The following ADGRG7 variants were observed in gnomAD, a reference collection of about 807,000 sequenced individuals.
ADGRG7 encodes the protein G-protein coupled receptor 128.
In ADGRG7, 82 loss-of-function variants were observed where a neutral mutation model predicts 88.6. The ratio of observed to expected loss-of-function variants is 0.93; its 90% CI spans 0.77 to 1.11. The LOEUF is 1.11. ADGRG7 is among the 50% of genes most tolerant of loss of function. The pLI is 0.00. For missense variants in ADGRG7, 945 were observed against 953.4 expected, an observed-to-expected ratio of 0.99 and a Z score of 0.12; for synonymous variants, 381 against 345.2, an observed-to-expected ratio of 1.10 and a Z score of -1.15.
chr3:100,649,757 ACTGT>A lies in ADGRG7; in HGVS notation c.1334_1337del (p.Ser445LeufsTer22). The stretch of plus-strand genomic sequence containing the variant: ...ACATATTATCCAACGTTGGATGTGC[ACTGT>A]CTGTTACTGGTCTGGCTCTCACAGT... On this transcript the variant is annotated frameshift_variant, in exon 11 of 16. Coordinates refer to ENST00000273352, the MANE Select transcript of ADGRG7 (RefSeq NM_032787.3). LOFTEE classifies it high-confidence loss of function. The A allele has an allele frequency of 6.2e-7, 1 of 1,611,314 alleles. No homozygotes were observed. Among genetic ancestry groups the A allele is most frequent in the Non-Finnish European group, 8.5e-7 (1 of 1,177,860 alleles).
chr3:100,613,947 A>T (rs1171505617), intron 1 of ADGRG7, among the ~76,000 whole-genome samples: 1 of 152,206 alleles, frequency 6.6e-6, no homozygotes, highest in East Asian at 1.9e-4. Flanking sequence ...CAAATTATTA[A>T]CTTTGAGCAA....
At chr3:100,629,754 C>A in intron 2 of ADGRG7, 43 bp downstream of exon 2, 1 of 1,288,062 alleles carries the variant, frequency 7.8e-7, no homozygotes, top group Non-Finnish European at 1.1e-6. Flanking sequence ...GTTTACGTCA[C>A]TCTTGTGTTA....
intron 14 of ADGRG7, among the ~76,000 whole-genome samples, chr3:100,664,753 G>A (rs1228227394): frequency 6.6e-6 from 1 of 152,152 alleles, no homozygotes; most frequent in Non-Finnish European, 1.5e-5. Flanking sequence ...AGTGGTGTCT[G>A]TAAATAGTAA....
chr3:100,681,818 G>C (rs567063540), intron 15 of ADGRG7, among the ~76,000 whole-genome samples: 11 of 152,122 alleles, frequency 7.2e-5, no homozygotes, highest in African/African-American at 2.7e-4. Context: ...TAAAGCACTC[G>C]CACCCTACCA....
At chr3:100,670,460 T>C (rs1180647680) in intron 15 of ADGRG7, among the ~76,000 whole-genome samples, 1 of 152,238 alleles carries the variant, frequency 6.6e-6, no homozygotes, top group Admixed American at 6.5e-5. Context: ...TGAATAGTGC[T>C]GTGAAAAACA....
At chr3:100,666,901 G>A (rs183099820) in intron 14 of ADGRG7, among the ~76,000 whole-genome samples, 24 of 152,120 alleles carry the variant, frequency 1.6e-4, no homozygotes, top group African/African-American at 4.3e-4. Context: ...CACATCTTGC[G>A]CAACCCTTAA....
At chr3:100,644,251 C>A (rs1707700467) in intron 8 of ADGRG7, among the ~76,000 whole-genome samples, 2 of 151,476 alleles carry the variant, frequency 1.3e-5, no homozygotes, top group South Asian at 4.2e-4. Flanking sequence ...GCAAAAAAAC[C>A]CGATGTCAGA....
intron 14 of ADGRG7, among the ~76,000 whole-genome samples, chr3:100,661,874 G>A (rs1341402995): frequency 1.3e-5 from 2 of 152,144 alleles, no homozygotes; most frequent in African/African-American, 4.8e-5. Flanking sequence ...TACAAAATAA[G>A]ATTTGTCCAG....
intron 4 of ADGRG7, chr3:100,635,472 C>A: frequency 3.4e-6 from 4 of 1,175,436 alleles, no homozygotes; most frequent in Non-Finnish European, 3.4e-6. Context: ...TCAATCCTGT[C>A]AAACAGGAAA....
At chr3:100,616,968 G>C (rs1707234892) in intron 1 of ADGRG7, among the ~76,000 whole-genome samples, 2 of 152,096 alleles carry the variant, frequency 1.3e-5, no homozygotes, top group African/African-American at 4.8e-5. Flanking sequence ...TTGATGTATA[G>C]AAGGCTAAAG....
chr3:100,665,416 A>C, intron 14 of ADGRG7: 1 of 539,754 alleles, frequency 1.9e-6, no homozygotes, highest in Non-Finnish European at 3.8e-6. Context: ...GTGAAAACGA[A>C]ACTTTCTCAG....
intron 1 of ADGRG7, among the ~76,000 whole-genome samples, chr3:100,614,089 T>C (rs892525643): frequency 1.3e-5 from 2 of 152,230 alleles, no homozygotes; most frequent in Non-Finnish European, 2.9e-5. Context: ...TTAATAATTG[T>C]TGGCTGCTAT....
chr3:100,675,521 T>C (rs930946416), intron 15 of ADGRG7, among the ~76,000 whole-genome samples: 6 of 152,202 alleles, frequency 3.9e-5, no homozygotes, highest in African/African-American at 1.4e-4. Context: ...GATTTTTGCA[T>C]CAACGTTCAT....
At chr3:100,641,827 C>T (rs1239091948) in intron 6 of ADGRG7, among the ~76,000 whole-genome samples, 2 of 152,164 alleles carry the variant, frequency 1.3e-5, no homozygotes, top group African/African-American at 4.8e-5. Flanking sequence ...GTTTTTCTCA[C>T]AATGATGTAA....
intron 10 of ADGRG7, among the ~76,000 whole-genome samples, chr3:100,647,965 GT>G (rs1335503263): frequency 6.6e-6 from 1 of 152,062 alleles, no homozygotes; most frequent in Admixed American, 6.5e-5. Flanking sequence ...GATAACTGTA[GT>G]TTTCTCATTT....
At chr3:100,615,709 G>A (rs1474837908) in intron 1 of ADGRG7, among the ~76,000 whole-genome samples, 1 of 152,180 alleles carries the variant, frequency 6.6e-6, no homozygotes, top group African/African-American at 2.4e-5. Context: ...AATAAAATAT[G>A]AGAATAATTC....
At position 100,669,225 on chromosome 3, in the gene ADGRG7, G is replaced by A. The variant is rs1576333156; in HGVS notation, c.2136+120G>A. 2.5e-5 allele frequency: 16 copies of A among 639,978 alleles called. No homozygotes were observed. In the East Asian group the frequency reaches 5.3e-4, roughly 21 times the overall value. 39.6% of individuals were successfully genotyped at this position (639,978 alleles called of 1,614,324 possible). On this transcript the variant is annotated intron_variant, in intron 15 of 15. Coordinates refer to ENST00000273352, the MANE Select transcript of ADGRG7 (RefSeq NM_032787.3). ...ATCTAGGCCAGGCGCGGTGGCTCAC[G>A]CCTGTAATGCCAGCACTTTGGGAGG...
intron 8 of ADGRG7, among the ~76,000 whole-genome samples, chr3:100,645,498 C>T (rs1250709144): frequency 6.6e-6 from 1 of 152,208 alleles, no homozygotes; most frequent in African/African-American, 2.4e-5. Context: ...GGAGACCGAC[C>T]TCATCTGGGC....
At position 100,649,764 on chromosome 3, in the gene ADGRG7, G is replaced by C. The variant is rs780859410; in HGVS notation, c.1336G>C (p.Val446Leu). ...ATCCAACGTTGGATGTGCACTGTCT[G>C]TTACTGGTCTGGCTCTCACAGTTAT... The part of the protein sequence containing the change: ...ILSNVGCALS[V>L]TGLALTVIFQ... Residue 446 changes from valine to leucine, a missense_variant, in exon 11 of 16, where the codon GTT becomes CTT. By Grantham distance (32) the Val-to-Leu change is conservative. Transcript: ENST00000273352. 2.5e-6 allele frequency: 4 copies of C among 1,610,528 alleles called. No homozygotes were observed. The highest frequency in any genetic ancestry group is 3.4e-6 in the Non-Finnish European group (4 of 1,177,222).
Sources: gnomAD v4.1 joint callset for allele counts (sites outside exome capture counted in the v4.1 genomes callset) on GRCh38, gnomAD v4.1.1 for gene constraint, MANE v1.5 for transcripts, NCBI Gene and HGNC (gene_info 2026-07-23, HGNC 2026-07-21) for gene names.